DYNC1I1: variants seen among roughly 807,000 people sequenced by gnomAD.
DYNC1I1 encodes dynein cytoplasmic 1 intermediate chain 1.
Under a neutral mutation model 86.6 loss-of-function variants are expected in DYNC1I1, and 43 were observed. The ratio of observed to expected loss-of-function variants is 0.50; its 90% CI spans 0.39 to 0.64. The LOEUF (loss-of-function observed/expected upper bound fraction) is 0.64. Ranked by LOEUF, DYNC1I1 falls within the 30% of genes least tolerant of loss-of-function variation. The pLI is 0.00. For synonymous variants in DYNC1I1, 262 were observed against 283.7 expected, an observed-to-expected ratio of 0.92 and a Z score of 0.77; for missense variants, 604 against 788.8, an observed-to-expected ratio of 0.77 and a Z score of 2.81.
At chr7:95,900,559 G>A (rs750940481) in intron 6 of DYNC1I1, among the ~76,000 whole-genome samples, 3 of 152,150 alleles carry the variant, frequency 2.0e-5, no homozygotes, top group Non-Finnish European at 4.4e-5. Context: ...GAGATTTGGA[G>A]TTGGAAATCC....
intron 1 of DYNC1I1, among the ~76,000 whole-genome samples, chr7:95,783,255 G>A (rs1794043067): frequency 6.6e-6 from 1 of 152,086 alleles, no homozygotes; most frequent in African/African-American, 2.4e-5. Context: ...CAGGTTCCCA[G>A]AAAACTGAGC....
intron 1 of DYNC1I1, among the ~76,000 whole-genome samples, chr7:95,781,812 C>T (rs1180261842): frequency 8.5e-5 from 13 of 152,148 alleles, no homozygotes; most frequent in Non-Finnish European, 2.9e-5. Flanking sequence ...ACCCTCCTCA[C>T]GGGGCATTCC....
At chr7:95,901,545 T>G (rs921835315) in intron 6 of DYNC1I1, among the ~76,000 whole-genome samples, 11 of 152,240 alleles carry the variant, frequency 7.2e-5, no homozygotes, top group African/African-American at 2.7e-4. Flanking sequence ...TAGCTTGTAC[T>G]TATCCCCCTC....
In DYNC1I1 at chr7:95,944,728, A is replaced by G. The variant is rs1792345916; in HGVS notation, c.491-32784A>G. Among the ~76,000 whole-genome samples the G allele has an allele frequency of 2.0e-5, 3 of 152,168 alleles. No individual in the cohort carries two copies. In the South Asian group the frequency reaches 6.2e-4, roughly 32 times the overall value. On this transcript the variant is annotated intron_variant, in intron 6 of 16. Transcript: ENST00000447467. ...ATGAGTTCATGTCCTTTGGTGGGAC[A>G]TGGATGAAATTGGAAATCATCATTC...
rs34170316 is a variant in DYNC1I1, at chr7:95,839,111, A to G, written c.374+10995A>G. Among the ~76,000 whole-genome samples the G allele has an allele frequency of 2.1e-3, 313 of 152,114 alleles. 2 individuals carry two copies. The highest frequency in any genetic ancestry group is 4.0e-3 in the Non-Finnish European group (270 of 68,004). On this transcript the variant is annotated intron_variant, in intron 5 of 16. Transcript: ENST00000447467. ...AGTGGTGCGATCTTGGCTCACTGCA[A>G]CCTCCGCCTCCCAGGTTCAAGCAAT...
At chr7:95,935,257 T>A (rs1332394415) in intron 6 of DYNC1I1, among the ~76,000 whole-genome samples, 1 of 152,046 alleles carries the variant, frequency 6.6e-6, no homozygotes, top group Non-Finnish European at 1.5e-5. Flanking sequence ...TATATTTCAC[T>A]TAGCATAAGA....
At chr7:95,862,311 T>G (rs1416283317) in intron 5 of DYNC1I1, among the ~76,000 whole-genome samples, 5 of 151,482 alleles carry the variant, frequency 3.3e-5, no homozygotes, top group Non-Finnish European at 7.4e-5. Context: ...TTTGATAAAG[T>G]TCTAATATCC....
At chr7:96,094,728 A>C (rs1002891604) in intron 16 of DYNC1I1, among the ~76,000 whole-genome samples, 3 of 152,210 alleles carry the variant, frequency 2.0e-5, no homozygotes, top group Non-Finnish European at 4.4e-5. Context: ...TTCTAAATCT[A>C]ACATTACAAT....
At chr7:95,971,386 T>A (rs1793165899) in intron 6 of DYNC1I1, among the ~76,000 whole-genome samples, 1 of 152,194 alleles carries the variant, frequency 6.6e-6, no homozygotes, top group South Asian at 2.1e-4. Context: ...CTATTAAAAA[T>A]TTAAAAATAT....
intron 5 of DYNC1I1, among the ~76,000 whole-genome samples, chr7:95,847,656 G>A (rs1789469934): frequency 6.6e-6 from 1 of 151,928 alleles, no homozygotes; most frequent in South Asian, 2.1e-4. Context: ...TACTAATCTG[G>A]CCTCAATATA....
chr7:95,813,180 C>A lies in DYNC1I1; in HGVS notation c.224-67C>A, dbSNP rs769401631. On this transcript the variant is annotated intron_variant, in intron 3 of 16. Transcript: ENST00000447467. ...GGCCCATTTGTTTTGATTTGTCTGA[C>A]ACTGCTCTTCACCAGTGCAGCCGCT... is the stretch of plus-strand genomic sequence containing the variant. The A allele has an allele frequency of 6.2e-7, 1 of 1,606,028 alleles. No homozygotes were observed. Among genetic ancestry groups the A allele is most frequent in the Admixed American group, 1.7e-5 (1 of 59,454 alleles).
chr7:96,020,586 A>C (rs950483635), intron 10 of DYNC1I1, among the ~76,000 whole-genome samples: 17 of 152,140 alleles, frequency 1.1e-4, no homozygotes, highest in African/African-American at 3.9e-4. Flanking sequence ...CTGCTATAGA[A>C]AACAGTGTGA....
intron 10 of DYNC1I1, among the ~76,000 whole-genome samples, chr7:96,016,169 G>A (rs761630106): frequency 3.3e-5 from 5 of 151,996 alleles, no homozygotes; most frequent in East Asian, 1.9e-4. Context: ...AGACCTATTC[G>A]TGCCAAATTA....
intron 1 of DYNC1I1, among the ~76,000 whole-genome samples, chr7:95,799,716 A>G (rs971571597): frequency 2.0e-5 from 3 of 151,290 alleles, no homozygotes; most frequent in Non-Finnish European, 4.4e-5. Context: ...AGAAGCTCCT[A>G]CTACTTGCTC....
chr7:96,011,907 G>T (rs1794284866), intron 10 of DYNC1I1, among the ~76,000 whole-genome samples: 1 of 152,134 alleles, frequency 6.6e-6, no homozygotes, highest in Non-Finnish European at 1.5e-5. Flanking sequence ...CCCTGTAATT[G>T]TACTGGTAGA....
intron 6 of DYNC1I1, among the ~76,000 whole-genome samples, chr7:95,879,797 A>G (rs1790405048): frequency 6.6e-6 from 1 of 152,216 alleles, no homozygotes; most frequent in Admixed American, 6.5e-5. Context: ...GCTTCCCTCA[A>G]ACTTCTAACT....
At chr7:96,059,016 T>A (rs944792008) in intron 14 of DYNC1I1, among the ~76,000 whole-genome samples, 2 of 152,146 alleles carry the variant, frequency 1.3e-5, no homozygotes, top group African/African-American at 4.8e-5. Context: ...AAATACTAAA[T>A]GAACCATTGC....
chr7:96,097,084 T>C (rs911514080), intron 16 of DYNC1I1, among the ~76,000 whole-genome samples: 2 of 152,156 alleles, frequency 1.3e-5, no homozygotes, highest in African/African-American at 4.8e-5. Flanking sequence ...ATTAATACCA[T>C]TGACTAGGAA....
intron 6 of DYNC1I1, among the ~76,000 whole-genome samples, chr7:95,941,490 G>A (rs1403823806): frequency 6.6e-6 from 1 of 152,186 alleles, no homozygotes; most frequent in Admixed American, 6.5e-5. Flanking sequence ...GTTTACCTAA[G>A]CAAGCCTGGG....
Sources: gnomAD v4.1 joint callset for allele counts (sites outside exome capture counted in the v4.1 genomes callset) on GRCh38, gnomAD v4.1.1 for gene constraint, MANE v1.5 for transcripts, NCBI Gene and HGNC (gene_info 2026-07-23, HGNC 2026-07-21) for gene names.